Variants in SLC26A5 observed in about 807,000 individuals in gnomAD.
SLC26A5 encodes prestin.
Under a neutral mutation model 81.0 loss-of-function variants are expected in SLC26A5, and 51 were observed. The ratio of observed to expected loss-of-function variants is 0.63; its 90% CI spans 0.50 to 0.80. The LOEUF (loss-of-function observed/expected upper bound fraction) is 0.80. SLC26A5 is among the 30% of genes least tolerant of loss of function. The probability of loss-of-function intolerance (pLI) is 0.00; values close to 1 mark genes in which losing one functional copy is unlikely to be tolerated. For synonymous variants in SLC26A5, 325 were observed against 332.8 expected (o/e 0.98, Z 0.25); for missense variants, 771 against 905.8 (o/e 0.85, Z 1.91).
At chr7:103,355,052 A>C (rs1049818989) in intron 19 of SLC26A5, 1 of 766,944 alleles carries the variant, frequency 1.3e-6, no homozygotes, top group Non-Finnish European at 2.2e-6. Context: ...CAGATTTAAA[A>C]AAAATCATTA....
At chr7:103,398,304 C>G (rs528902157) in intron 8 of SLC26A5, among the ~76,000 whole-genome samples, 1 of 152,134 alleles carries the variant, frequency 6.6e-6, no homozygotes, top group East Asian at 1.9e-4. Flanking sequence ...GGCCATAAAG[C>G]CTTTCAAACG....
intron 14 of SLC26A5, among the ~76,000 whole-genome samples, chr7:103,380,940 C>T (rs1265553322): frequency 6.6e-6 from 1 of 150,898 alleles, no homozygotes; most frequent in Non-Finnish European, 1.5e-5. Flanking sequence ...ATACGATATA[C>T]CACACATATA....
chr7:103,434,975 ATTG>A (rs1215807524), intron 2 of SLC26A5: 1 of 152,154 alleles, frequency 6.6e-6, no homozygotes, highest in Non-Finnish European at 1.5e-5. Flanking sequence ...AAAAATCATT[ATTG>A]TTATTAATAT....
intron 4 of SLC26A5, among the ~76,000 whole-genome samples, chr7:103,418,742 C>A (rs1285090659): frequency 6.6e-6 from 1 of 152,200 alleles, no homozygotes; most frequent in South Asian, 2.1e-4. Flanking sequence ...TTTTGGCCAG[C>A]TGACCTACAG....
Position 103,434,794 on chromosome 7 carries a change from G to C in SLC26A5, c.-54+8289C>G, listed in dbSNP as rs1005144306. 7.2e-5 allele frequency among the ~76,000 whole-genome samples: 11 copies of C among 152,216 alleles called. No individual in the cohort carries two copies. In the East Asian group the frequency reaches 1.7e-3, roughly 24 times the overall value. ...AGCCTTCTGAGTAGCTGGGAGTACA[G>C]GAGTGCGCCACCACGCCCAGCCAAT... is the stretch of plus-strand genomic sequence containing the variant. On this transcript the variant is annotated intron_variant, in intron 2 of 19. Coordinates refer to ENST00000306312, the MANE Select transcript of SLC26A5 (RefSeq NM_198999.3).
chr7:103,390,008 T>C (rs571697249), intron 12 of SLC26A5, among the ~76,000 whole-genome samples: 24 of 152,338 alleles, frequency 1.6e-4, no homozygotes, highest in Admixed American at 1.6e-3. Flanking sequence ...AGGAATTATT[T>C]CACCTATGGT....
chr7:103,384,751 G>T (rs1040603535), intron 14 of SLC26A5, among the ~76,000 whole-genome samples: 4 of 152,154 alleles, frequency 2.6e-5, no homozygotes, highest in African/African-American at 7.2e-5. Context: ...TGTGAAATGG[G>T]GTTGCTGATT....
At chr7:103,394,999 A>G (rs1057068007) in intron 9 of SLC26A5, among the ~76,000 whole-genome samples, 1 of 152,242 alleles carries the variant, frequency 6.6e-6, no homozygotes, top group African/African-American at 2.4e-5. Context: ...CAGTGACTCC[A>G]GATGAAGTGT....
rs781777996 is a variant in SLC26A5 at position 103,379,382 on chromosome 7, A to T, written c.1585-47T>A. On this transcript the variant is annotated intron_variant, in intron 15 of 19. Transcript: ENST00000306312. ...AATTTAACACATGGAAATATTTCAG[A>T]ATCAAAACTGCATAGCTTCCCCACC... 9 of 1,270,572 alleles carry T rather than the reference A, an allele frequency of 7.1e-6. No individual in the cohort carries two copies. The South Asian group carries it at 1.1e-4, about 15-fold the overall frequency. 78.7% of individuals were successfully genotyped at this position (1,270,572 alleles called of 1,614,324 possible).
intron 4 of SLC26A5, among the ~76,000 whole-genome samples, chr7:103,414,190 C>T (rs1264493816): frequency 5.5e-5 from 7 of 127,056 alleles, no homozygotes; most frequent in African/African-American, 1.2e-4. Context: ...TTGCCCCCCC[C>T]TTTTTTTTTT....
chr7:103,366,994 G>A (rs111699781), intron 19 of SLC26A5, among the ~76,000 whole-genome samples: 15 of 152,048 alleles, frequency 9.9e-5, no homozygotes, highest in African/African-American at 3.4e-4. Context: ...TAGTAGAGAC[G>A]TGGTTTCACC....
At chr7:103,388,670 C>G in intron 14 of SLC26A5, 1 of 357,084 alleles carries the variant, frequency 2.8e-6, no homozygotes, top group South Asian at 2.2e-5. Flanking sequence ...CATGTCAGTA[C>G]TTGGTGCCAA....
Position 103,374,554 on chromosome 7 carries a change from C to A in SLC26A5, c.2080G>T (p.Glu694Ter), listed in dbSNP as rs556040012. ...VNDLTRNRFF[E>*]NPALWELLFH... ...AGCAGCTCCCATAGGGCAGGATTTTCAAAAAATCTATTCCGAGTGAGGTCA... is the reference window on the plus strand; with the variant it reads ...AGCAGCTCCCATAGGGCAGGATTTTAAAAAAATCTATTCCGAGTGAGGTCA... The change falls in exon 20 of 20, where the codon GAA becomes TAA. Residue 694 changes from glutamate to a stop codon, truncating the protein, a stop_gained. Transcript: ENST00000306312. LOFTEE classifies it high-confidence loss of function. 2 of 1,613,578 alleles carry A rather than the reference C, an allele frequency of 1.2e-6. No homozygotes were observed. Among genetic ancestry groups the A allele is most frequent in the East Asian group, 2.2e-5 (1 of 44,872 alleles).
At chr7:103,427,669 G>A (rs996743976) in intron 2 of SLC26A5, among the ~76,000 whole-genome samples, 10 of 152,232 alleles carry the variant, frequency 6.6e-5, no homozygotes, top group Admixed American at 5.2e-4. Flanking sequence ...CTGTGGTTTT[G>A]TGGTAGATGC....
intron 19 of SLC26A5, among the ~76,000 whole-genome samples, 164 bp from the exon 20 acceptor site, chr7:103,374,756 G>A (rs1241169035): frequency 6.7e-6 from 1 of 148,390 alleles, no homozygotes; most frequent in African/African-American, 2.5e-5. Flanking sequence ...CTGGAGAGTA[G>A]TGGTGTGATC....
chr7:103,431,434 T>C (rs538370845), intron 2 of SLC26A5, among the ~76,000 whole-genome samples: 23 of 152,192 alleles, frequency 1.5e-4, no homozygotes, highest in Admixed American at 1.4e-3. Context: ...GCTGTTCTCT[T>C]GCCTCAGCCT....
chr7:103,416,583 A>T (rs1306051562), intron 4 of SLC26A5, among the ~76,000 whole-genome samples: 2 of 152,116 alleles, frequency 1.3e-5, no homozygotes, highest in African/African-American at 4.8e-5. Flanking sequence ...CCTTGCTTTT[A>T]GCCTTTTGCC....
chr7:103,381,012 T>C (rs912709112), intron 14 of SLC26A5, among the ~76,000 whole-genome samples: 1 of 150,470 alleles, frequency 6.6e-6, no homozygotes, highest in Non-Finnish European at 1.5e-5. Flanking sequence ...CACACATGCA[T>C]ACACACACAA....
Position 103,391,675 on chromosome 7 carries a change from A to C in SLC26A5, c.1180T>G (p.Ser394Ala). ...ACAAGGCTTCGAGACAAGGAGCATG[A>C]AATTGAAAAGGTCTGGAAGAGTGAG... ...IGSLFQTFSI[S>A]CSLSRSLVQE... is the part of the protein sequence containing the mutation. The change falls in exon 11 of 20, where the codon TCA becomes GCA. Residue 394 changes from serine (S) to alanine (A), a missense_variant. Physicochemically the swap from Ser to Ala is moderately conservative, Grantham distance 99 (BLOSUM62 1). Coordinates refer to ENST00000306312, the MANE Select transcript of SLC26A5 (RefSeq NM_198999.3). The C allele has an allele frequency of 6.2e-7, 1 of 1,614,208 alleles. No individual in the cohort carries two copies. Among genetic ancestry groups the C allele is most frequent in the East Asian group, 2.2e-5 (1 of 44,880 alleles).
Sources: gnomAD v4.1 joint callset for allele counts (sites outside exome capture counted in the v4.1 genomes callset) on GRCh38, gnomAD v4.1.1 for gene constraint, MANE v1.5 for transcripts, NCBI Gene and HGNC (gene_info 2026-07-23, HGNC 2026-07-21) for gene names.